The following NRXN3 variants were observed in gnomAD, a reference collection of about 807,000 sequenced individuals.
The protein encoded by NRXN3 is neurexin III.
NRXN3 carries 32 observed loss-of-function variants against 137.6 expected under a neutral mutation model. That is an observed-to-expected ratio of 0.23 (90% confidence interval 0.18 to 0.31). The LOEUF is 0.31. Ranked by LOEUF, NRXN3 falls within the 10% of genes least tolerant of loss-of-function variation. NRXN3 has a pLI of 1.00. For missense variants in NRXN3, 1,574 were observed against 2,062.5 expected, an observed-to-expected ratio of 0.76 and a Z score of 4.59; for synonymous variants, 798 against 784.5, an observed-to-expected ratio of 1.02 and a Z score of -0.29.
intron 15 of NRXN3, among the ~76,000 whole-genome samples, chr14:79,243,591 T>C (rs1160452102): frequency 6.6e-6 from 1 of 152,154 alleles, no homozygotes; most frequent in African/African-American, 2.4e-5. Context: ...TTTGTAGTTA[T>C]GCAAAATCAT....
intron 8 of NRXN3, among the ~76,000 whole-genome samples, chr14:78,766,546 A>T (rs1302137354): frequency 6.6e-6 from 1 of 152,242 alleles, no homozygotes; most frequent in Admixed American, 6.5e-5. Context: ...TGGATATCTG[A>T]AATCAAATTT....
At chr14:79,011,901 C>T (rs141542042) in intron 15 of NRXN3, among the ~76,000 whole-genome samples, 8 of 152,112 alleles carry the variant, frequency 5.3e-5, no homozygotes, top group Admixed American at 2.0e-4. Context: ...GGAAGCAGTT[C>T]GATGGGAGAA....
intron 4 of NRXN3, among the ~76,000 whole-genome samples, chr14:78,566,996 G>C (rs2096842510): frequency 6.6e-6 from 1 of 152,096 alleles, no homozygotes; most frequent in Admixed American, 6.5e-5. Flanking sequence ...AACATCCCTG[G>C]GAGAGGAGCC....
At chr14:78,770,853 G>C (rs181494498) in intron 8 of NRXN3, among the ~76,000 whole-genome samples, 15 of 152,270 alleles carry the variant, frequency 9.9e-5, no homozygotes, top group East Asian at 5.8e-4. Context: ...TTGGGGTTGG[G>C]GGGGGTACAG....
At position 79,655,898 on chromosome 14, in the gene NRXN3, A is replaced by G. The variant is rs556949436; in HGVS notation, c.3445-7880A>G. ...TTCCTAAACTTTAGCATCTGAATCA[A>G]TCACCTTAAGTTCTTGTGAAAATAC... On this transcript the variant is annotated intron_variant, in intron 16 of 20. Coordinates refer to ENST00000335750, the MANE Select transcript of NRXN3 (RefSeq NM_001330195.2). 1.2e-4 allele frequency among the ~76,000 whole-genome samples: 19 copies of G among 152,266 alleles called. No homozygotes were observed. In the South Asian group the frequency reaches 2.9e-3, roughly 23 times the overall value.
At chr14:79,264,649 C>A (rs1256394763) in intron 15 of NRXN3, among the ~76,000 whole-genome samples, 4 of 151,888 alleles carry the variant, frequency 2.6e-5, no homozygotes, top group African/African-American at 4.8e-5. Context: ...ACCCTTATGA[C>A]CTCACTTAAC....
chr14:78,715,073 G>C lies in NRXN3; in HGVS notation c.1978G>C (p.Asp660His), dbSNP rs746957936. ...YPCKNNAVCK[D>H]GWNRFICDCT... ...CTGCAAGAATAATGCTGTGTGCAAG[G>C]ACGGCTGGAACCGCTTCATCTGCGA... Residue 660 changes from aspartate to histidine, a missense_variant, in exon 8 of 21, where the codon GAC becomes CAC. Asp to His is a moderately conservative substitution (Grantham distance 81). Transcript: ENST00000335750. 1.2e-6 allele frequency: 2 copies of C among 1,613,380 alleles called. No individual in the cohort carries two copies.
intron 15 of NRXN3, among the ~76,000 whole-genome samples, chr14:79,159,586 A>G (rs1452299538): frequency 1.3e-5 from 2 of 151,824 alleles, no homozygotes. Context: ...TTCATTCTCA[A>G]CATCATTTTA....
At chr14:79,108,978 T>A (rs113799119) in intron 15 of NRXN3, among the ~76,000 whole-genome samples, 1 of 152,202 alleles carries the variant, frequency 6.6e-6, no homozygotes, top group African/African-American at 2.4e-5. Context: ...TCATTTCCCT[T>A]GTAATCACTC....
chr14:78,582,945 C>T (rs1433713956), intron 4 of NRXN3, among the ~76,000 whole-genome samples: 4 of 152,128 alleles, frequency 2.6e-5, no homozygotes, highest in South Asian at 2.1e-4. Flanking sequence ...AATTCCCAGG[C>T]GTACACAGGT....
intron 15 of NRXN3, among the ~76,000 whole-genome samples, chr14:79,097,695 T>C (rs964497053): frequency 1.3e-5 from 2 of 152,162 alleles, no homozygotes; most frequent in African/African-American, 2.4e-5. Context: ...AATACCCCTA[T>C]ATACAATTAT....
At chr14:79,555,325 G>T (rs918983257) in intron 16 of NRXN3, among the ~76,000 whole-genome samples, 6 of 152,156 alleles carry the variant, frequency 3.9e-5, no homozygotes, top group Non-Finnish European at 7.4e-5. Context: ...CAGGCACAGT[G>T]TCAGGAATCC....
intron 4 of NRXN3, among the ~76,000 whole-genome samples, chr14:78,539,114 T>A (rs1402182585): frequency 6.6e-6 from 1 of 152,216 alleles, no homozygotes. Flanking sequence ...GGTATCACGA[T>A]TATGTTGGCC....
In NRXN3 at chr14:78,561,465, C is replaced by G. The variant is rs149685437; in HGVS notation, c.758-83655C>G. On this transcript the variant is annotated intron_variant, in intron 4 of 20. Transcript: ENST00000335750. ...CCTTGAAGAGAAGAGACCATAGACT[C>G]TTAAAAATGTAAGTATCTCAGAGGA... Among the ~76,000 whole-genome samples, 403 of 152,216 alleles carry G rather than the reference C, an allele frequency of 2.6e-3. 4 individuals carry two copies. The highest frequency in any genetic ancestry group is 9.2e-3 in the African/African-American group (383 of 41,528).
At chr14:79,128,635 T>C (rs1288166470) in intron 15 of NRXN3, among the ~76,000 whole-genome samples, 9 of 152,304 alleles carry the variant, frequency 5.9e-5, no homozygotes, top group African/African-American at 2.2e-4. Flanking sequence ...GGTCTAAAAT[T>C]CTCTTTTTTG....
At chr14:79,103,694 A>T (rs1384792617) in intron 15 of NRXN3, among the ~76,000 whole-genome samples, 2 of 152,080 alleles carry the variant, frequency 1.3e-5, no homozygotes, top group African/African-American at 4.8e-5. Flanking sequence ...ATAAAAAAAG[A>T]CCCACGTTCT....
chr14:78,490,518 T>C (rs1482894907), intron 4 of NRXN3, among the ~76,000 whole-genome samples: 2 of 152,220 alleles, frequency 1.3e-5, no homozygotes, highest in African/African-American at 4.8e-5. Flanking sequence ...CTTGTTTCTA[T>C]GTCCCCATGT....
chr14:79,018,285 AAAAAAAAAAAAGAG>A lies in NRXN3; in HGVS notation c.3262+30146_3262+30159del, dbSNP rs1176880629. On this transcript the variant is annotated intron_variant, in intron 15 of 20. Coordinates refer to ENST00000335750, the MANE Select transcript of NRXN3 (RefSeq NM_001330195.2). ...CAAAAAAAAAAAAAAAAAAAAAAAA[AAAAAAAAAAAAGAG>A]AGAGAGCAAGAAGAGTGAAAGTTAT... Among the ~76,000 whole-genome samples the A allele has an allele frequency of 1.6e-4, 10 of 60,854 alleles. 1 individual carries two copies. The highest frequency in any genetic ancestry group is 5.2e-4 in the African/African-American group (10 of 19,048). 39.9% of individuals were successfully genotyped at this position (60,854 alleles called of 152,430 possible).
chr14:79,756,136 C>T (rs1452227547), intron 19 of NRXN3, among the ~76,000 whole-genome samples: 1 of 152,150 alleles, frequency 6.6e-6, no homozygotes, highest in Non-Finnish European at 1.5e-5. Context: ...GTCTGGAACA[C>T]ATACGAGGGA....
Sources: gnomAD v4.1 joint callset for allele counts (sites outside exome capture counted in the v4.1 genomes callset) on GRCh38, gnomAD v4.1.1 for gene constraint, MANE v1.5 for transcripts, NCBI Gene and HGNC (gene_info 2026-07-23, HGNC 2026-07-21) for gene names.